RNF138: variants seen among roughly 807,000 people sequenced by gnomAD.
RNF138 encodes E3 ubiquitin-protein ligase RNF138.
RNF138 carries 12 observed loss-of-function variants against 31.0 expected under a neutral mutation model. The observed-to-expected ratio is 0.39, with a 90% CI of 0.25 to 0.63. RNF138 has a LOEUF of 0.63. Ranked by LOEUF, RNF138 falls within the 20% of genes least tolerant of loss-of-function variation. The probability of loss-of-function intolerance (pLI) is 0.52; values close to 1 mark genes in which losing one functional copy is unlikely to be tolerated. For missense variants in RNF138, 192 were observed against 300.1 expected, an observed-to-expected ratio of 0.64 and a Z score of 2.66; for synonymous variants, 105 against 99.5, an observed-to-expected ratio of 1.06 and a Z score of -0.33.
At chr18:32,121,186 AG>A (rs1299893684) in intron 4 of RNF138, among the ~76,000 whole-genome samples, 25 of 151,550 alleles carry the variant, frequency 1.6e-4, no homozygotes, top group Middle Eastern at 7.0e-3. Context: ...TGTATGCCAT[AG>A]GATAAAATAA....
At chr18:32,098,975 TAGAC>T (rs2039867780) in intron 2 of RNF138, among the ~76,000 whole-genome samples, 1 of 151,490 alleles carries the variant, frequency 6.6e-6, no homozygotes, top group African/African-American at 2.4e-5. Flanking sequence ...GGAAAATAGA[TAGAC>T]TAAGTGCCAG....
At position 32,092,848 on chromosome 18, in the gene RNF138, G is replaced by T; in HGVS notation, c.72G>T (p.Val24=). The T allele has an allele frequency of 6.3e-7, 1 of 1,592,396 alleles. No homozygotes were observed. The highest frequency in any genetic ancestry group is 8.5e-7 in the Non-Finnish European group (1 of 1,172,332). Residue 24 remains valine (V), a synonymous_variant, in exon 2 of 8, where the codon GTG becomes GTT. Coordinates refer to ENST00000261593, the MANE Select transcript of RNF138 (RefSeq NM_016271.5). The part of the protein sequence containing the change: ...DDFYCPVCQE[V]LKTPVRTTAC... ...TCTACTGCCCCGTCTGTCAGGAGGT[G>T]CTCAAAACGCCCGTGCGGACCACGG... is the stretch of plus-strand genomic sequence containing the variant.
intron 4 of RNF138, among the ~76,000 whole-genome samples, chr18:32,123,111 A>G (rs1434320964): frequency 6.6e-6 from 1 of 152,162 alleles, no homozygotes; most frequent in African/African-American, 2.4e-5. Flanking sequence ...ATAACCTTAT[A>G]CCATGTCCTA....
intron 2 of RNF138, among the ~76,000 whole-genome samples, chr18:32,109,821 G>A (rs1173013130): frequency 6.6e-6 from 1 of 152,158 alleles, no homozygotes; most frequent in African/African-American, 2.4e-5. Context: ...TGGAGGCAGA[G>A]GTTGCAGTGA....
chr18:32,124,883 T>C (rs1384446596), intron 6 of RNF138, 38 bp downstream of exon 6: 1 of 989,046 alleles, frequency 1.0e-6, no homozygotes, highest in South Asian at 1.3e-5. Flanking sequence ...CTGCTTAGAA[T>C]AAAACATGCT....
chr18:32,094,055 T>C (rs748661093), intron 2 of RNF138, among the ~76,000 whole-genome samples: 200 of 152,232 alleles, frequency 1.3e-3, no homozygotes, highest in South Asian at 5.6e-3. Context: ...CCTCCCAAAG[T>C]GCTGGGATTA....
chr18:32,102,338 A>G (rs1036542794), intron 2 of RNF138, among the ~76,000 whole-genome samples: 6 of 149,578 alleles, frequency 4.0e-5, no homozygotes, highest in African/African-American at 1.5e-4. Flanking sequence ...AGTAGCTGGG[A>G]CTACAGGCGC....
chr18:32,127,283 G>C (rs1444310965), intron 7 of RNF138, among the ~76,000 whole-genome samples: 1 of 152,196 alleles, frequency 6.6e-6, no homozygotes, highest in Non-Finnish European at 1.5e-5. Flanking sequence ...AAGAGTGTAA[G>C]AGAAGTTATA....
chr18:32,108,852 T>C (rs899266084), intron 2 of RNF138, among the ~76,000 whole-genome samples: 19 of 152,148 alleles, frequency 1.2e-4, no homozygotes, highest in Admixed American at 7.9e-4. Context: ...ATTTTTATTT[T>C]TAATTTTTTT....
At chr18:32,118,394 C>T (rs143585179) in intron 4 of RNF138, among the ~76,000 whole-genome samples, 28 of 151,740 alleles carry the variant, frequency 1.8e-4, no homozygotes, top group African/African-American at 6.1e-4. Flanking sequence ...ATTAGCCAGG[C>T]GTGGTGGCAC....
At chr18:32,102,740 C>T (rs537642736) in intron 2 of RNF138, among the ~76,000 whole-genome samples, 2 of 151,754 alleles carry the variant, frequency 1.3e-5, no homozygotes, top group South Asian at 4.2e-4. Flanking sequence ...TCAAGTGATT[C>T]TCCTGCCTCA....
intron 2 of RNF138, among the ~76,000 whole-genome samples, chr18:32,094,075 G>A (rs1469831282): frequency 6.6e-6 from 1 of 152,174 alleles, no homozygotes; most frequent in Non-Finnish European, 1.5e-5. Context: ...AAAGGCGTGA[G>A]CCACCGCGCC....
intron 2 of RNF138, among the ~76,000 whole-genome samples, chr18:32,104,028 T>C (rs2039987240): frequency 6.7e-6 from 1 of 149,562 alleles, no homozygotes; most frequent in Non-Finnish European, 1.5e-5. Context: ...TTTTTTTTTT[T>C]TTGGAGGCAG....
At chr18:32,119,523 A>G (rs1430264473) in intron 4 of RNF138, among the ~76,000 whole-genome samples, 1 of 152,126 alleles carries the variant, frequency 6.6e-6, no homozygotes, top group Non-Finnish European at 1.5e-5. Context: ...CTCTGGGTTC[A>G]AGTGATTCTT....
rs377761680 is a variant in RNF138, at chr18:32,128,308, C to T, written c.670-811C>T. Among the ~76,000 whole-genome samples, 13 of 152,238 alleles carry T rather than the reference C, an allele frequency of 8.5e-5. No individual in the cohort carries two copies. The East Asian group carries it at 1.5e-3, about 18-fold the overall frequency. On this transcript the variant is annotated intron_variant, in intron 7 of 7. Coordinates refer to ENST00000261593, the MANE Select transcript of RNF138 (RefSeq NM_016271.5). ...ATCCCAGTACTGTGGGAGGCCGAGG[C>T]GGGTGGATCACCTGAGGTCAGCAGT...
At chr18:32,123,134 A>G (rs2040332432) in intron 4 of RNF138, among the ~76,000 whole-genome samples, 1 of 152,152 alleles carries the variant, frequency 6.6e-6, no homozygotes, top group Non-Finnish European at 1.5e-5. Context: ...TTGAAGTAAA[A>G]AAGTTCACAA....
At chr18:32,124,909 C>T in intron 6 of RNF138, 64 bp downstream of exon 6, 1 of 814,300 alleles carries the variant, frequency 1.2e-6, no homozygotes, top group Admixed American at 1.9e-5. Flanking sequence ...ATTTATTTCA[C>T]TTCATGTATG....
intron 4 of RNF138, among the ~76,000 whole-genome samples, chr18:32,120,822 T>C (rs2040291685): frequency 1.3e-5 from 2 of 152,178 alleles, no homozygotes; most frequent in Non-Finnish European, 2.9e-5. Flanking sequence ...ATTGAGTATG[T>C]ACCCCCAGTG....
chr18:32,103,924 C>T (rs2039984049), intron 2 of RNF138, among the ~76,000 whole-genome samples: 1 of 151,534 alleles, frequency 6.6e-6, no homozygotes, highest in Non-Finnish European at 1.5e-5. Context: ...GAGATTGCGC[C>T]ACTGCACTCC....
Sources: gnomAD v4.1 joint callset for allele counts (sites outside exome capture counted in the v4.1 genomes callset) on GRCh38, gnomAD v4.1.1 for gene constraint, MANE v1.5 for transcripts, NCBI Gene and HGNC (gene_info 2026-07-23, HGNC 2026-07-21) for gene names.